Variants in SLC14A2 observed in about 807,000 individuals in gnomAD.
The protein encoded by SLC14A2 is urea transporter 2.
In SLC14A2, 91 loss-of-function variants were observed where a neutral mutation model predicts 104.6. The observed-to-expected ratio is 0.87, with a 90% CI of 0.73 to 1.04. SLC14A2 has a LOEUF of 1.04. Ranked by LOEUF, SLC14A2 falls within the 50% of genes least tolerant of loss-of-function variation. The pLI is 0.00. For synonymous variants in SLC14A2, 476 were observed against 466.4 expected, an observed-to-expected ratio of 1.02 and a Z score of -0.27; for missense variants, 1,189 against 1,156.0, an observed-to-expected ratio of 1.03 and a Z score of -0.41.
intron 1 of SLC14A2, among the ~76,000 whole-genome samples, chr18:45,441,059 T>G (rs1201059658): frequency 6.6e-6 from 1 of 152,194 alleles, no homozygotes; most frequent in Non-Finnish European, 1.5e-5. Context: ...ACTGTGGATT[T>G]GAAACCATCT....
intron 1 of SLC14A2, among the ~76,000 whole-genome samples, chr18:45,245,139 G>A (rs1308410866): frequency 1.3e-5 from 2 of 152,186 alleles, no homozygotes; most frequent in Admixed American, 1.3e-4. Flanking sequence ...CTTTCTGCAG[G>A]AGGATCAAGG....
At chr18:45,537,232 CAG>C (rs1206132597) in intron 2 of SLC14A2, among the ~76,000 whole-genome samples, 1 of 151,852 alleles carries the variant, frequency 6.6e-6, no homozygotes, top group African/African-American at 2.4e-5. Context: ...TACATACCAG[CAG>C]AGATGGGCAA....
At chr18:45,359,724 A>G (rs2085591901) in intron 1 of SLC14A2, among the ~76,000 whole-genome samples, 1 of 152,202 alleles carries the variant, frequency 6.6e-6, no homozygotes, top group South Asian at 2.1e-4. Context: ...CCTGGAGAGC[A>G]CAAATTATGG....
chr18:45,464,670 G>A (rs1283944030), intron 1 of SLC14A2, among the ~76,000 whole-genome samples: 1 of 152,166 alleles, frequency 6.6e-6, no homozygotes, highest in Non-Finnish European at 1.5e-5. Flanking sequence ...AGGGACATTT[G>A]CAAATCTGCC....
At chr18:45,644,840 G>T (rs1273320549) in intron 10 of SLC14A2, among the ~76,000 whole-genome samples, 1 of 152,146 alleles carries the variant, frequency 6.6e-6, no homozygotes, top group Non-Finnish European at 1.5e-5. Context: ...GGTCAAACCA[G>T]CATCTCTTTA....
At chr18:45,302,091 G>A (rs190808951) in intron 1 of SLC14A2, among the ~76,000 whole-genome samples, 2 of 152,286 alleles carry the variant, frequency 1.3e-5, no homozygotes, top group African/African-American at 4.8e-5. Flanking sequence ...CATCTGTGTT[G>A]AAGTCTCCTG....
At chr18:45,264,140 TCTAA>T (rs1473293262) in intron 1 of SLC14A2, among the ~76,000 whole-genome samples, 5 of 152,222 alleles carry the variant, frequency 3.3e-5, no homozygotes, top group Admixed American at 6.5e-5. Context: ...CTATCTTCTG[TCTAA>T]CTATCAGATA....
intron 1 of SLC14A2, among the ~76,000 whole-genome samples, chr18:45,403,940 C>A (rs1047050102): frequency 6.6e-6 from 1 of 152,196 alleles, no homozygotes; most frequent in Non-Finnish European, 1.5e-5. Flanking sequence ...GGCAATGACT[C>A]CTTTCTCCCT....
At chr18:45,627,597 AGAG>A (rs1307741521) in intron 4 of SLC14A2, among the ~76,000 whole-genome samples, 3 of 152,296 alleles carry the variant, frequency 2.0e-5, no homozygotes, top group East Asian at 3.9e-4. Flanking sequence ...GCGAGGAGAG[AGAG>A]GAGGACAGTG....
At chr18:45,209,457 G>A (rs1187476050), upstream of SLC14A2, among the ~76,000 whole-genome samples, 1 of 151,970 alleles carries the variant, frequency 6.6e-6, no homozygotes, top group Non-Finnish European at 1.5e-5. Context: ...ACTTTATTAT[G>A]TAAAATATAC....
intron 1 of SLC14A2, among the ~76,000 whole-genome samples, chr18:45,409,701 A>T (rs2088863640): frequency 6.6e-6 from 1 of 152,156 alleles, no homozygotes; most frequent in Non-Finnish European, 1.5e-5. Context: ...AAGAAGCAAA[A>T]AGATCAAGTA....
At chr18:45,443,953 G>A (rs975910203) in intron 1 of SLC14A2, among the ~76,000 whole-genome samples, 6 of 152,146 alleles carry the variant, frequency 3.9e-5, no homozygotes, top group African/African-American at 1.4e-4. Context: ...AGAGAAAACA[G>A]GTGCAATTAG....
chr18:45,414,753 AAAAAATATATATATATATATATAT>A (rs1488636749), intron 1 of SLC14A2, among the ~76,000 whole-genome samples: 5 of 64,004 alleles, frequency 7.8e-5, no homozygotes, highest in South Asian at 4.8e-4. Flanking sequence ...GTAAAAAAAA[AAAAAATATATATATATATATATAT>A]ATATATATAT....
rs116841287 is a variant in SLC14A2, at chr18:45,619,073, C to T, written c.-35+3491C>T. Among the ~76,000 whole-genome samples the T allele has an allele frequency of 4.4e-3, 663 of 152,366 alleles. 41 individuals carry two copies. In the East Asian group the frequency reaches 0.11, roughly 25 times the overall value. On this transcript the variant is annotated intron_variant, in intron 1 of 19. Coordinates refer to ENST00000255226, the MANE Select transcript of SLC14A2 (RefSeq NM_007163.4). ...AGGACTCCTGACAGTCTGGTTCTCA[C>T]ACCCTAGTTTTGTCTTTGATTGCCT...
chr18:45,463,077 A>G (rs2087074579), intron 1 of SLC14A2, among the ~76,000 whole-genome samples: 2 of 152,202 alleles, frequency 1.3e-5, no homozygotes. Context: ...AGGCAGGTTC[A>G]GCCCACCCCA....
chr18:45,219,971 G>T lies in SLC14A2; in HGVS notation c.-125+6780G>T, dbSNP rs576338428. 9.8e-5 allele frequency among the ~76,000 whole-genome samples: 15 copies of T among 152,322 alleles called. No homozygotes were observed. The South Asian group carries it at 3.1e-3, about 32-fold the overall frequency. ...AGTCCACATGGCCGATACTTGCAGA[G>T]GGTTAAGACTTTGAATCTTAGCTCA... On this transcript the variant is annotated intron_variant, in intron 1 of 20. Transcript: ENST00000586448.
chr18:45,390,054 G>C (rs183063748), intron 1 of SLC14A2, among the ~76,000 whole-genome samples: 1 of 152,168 alleles, frequency 6.6e-6, no homozygotes, highest in South Asian at 2.1e-4. Context: ...AATCTCGTTG[G>C]TATTTGGGGG....
intron 16 of SLC14A2, among the ~76,000 whole-genome samples, chr18:45,670,869 C>T (rs556476760): frequency 1.3e-5 from 2 of 152,260 alleles, no homozygotes; most frequent in South Asian, 4.1e-4. Context: ...GTCATTGTTG[C>T]CCAGGCTGGT....
intron 18 of SLC14A2, 60 bp downstream of exon 18, chr18:45,673,877 T>G: frequency 6.6e-7 from 1 of 1,516,452 alleles, no homozygotes; most frequent in Non-Finnish European, 9.1e-7. Flanking sequence ...ATAAAACTGT[T>G]TTTTTATGTT....
Sources: gnomAD v4.1 joint callset for allele counts (sites outside exome capture counted in the v4.1 genomes callset) on GRCh38, gnomAD v4.1.1 for gene constraint, MANE v1.5 for transcripts, NCBI Gene and HGNC (gene_info 2026-07-23, HGNC 2026-07-21) for gene names.